Variants in RAB31 observed in about 807,000 individuals in gnomAD.
The protein encoded by RAB31 is ras-related protein Rab-31.
RAB31 carries 21 observed loss-of-function variants against 25.6 expected under a neutral mutation model. The ratio of observed to expected loss-of-function variants is 0.82; its 90% CI spans 0.58 to 1.18. RAB31 has a LOEUF of 1.18. Ranked by LOEUF, RAB31 falls within the 50% of genes most tolerant of loss-of-function variation. The pLI is 0.00. For missense variants in RAB31, 196 were observed against 250.1 expected (o/e 0.78, Z 1.46); for synonymous variants, 87 against 84.0 (o/e 1.04, Z -0.20).
At chr18:9,729,895 G>C (rs1248119215) in intron 1 of RAB31, among the ~76,000 whole-genome samples, 1 of 152,128 alleles carries the variant, frequency 6.6e-6, no homozygotes, top group Admixed American at 6.5e-5. Flanking sequence ...CTCTTCTCTT[G>C]ATGTACTTCT....
At chr18:9,836,675 A>G (rs2068705920) in intron 5 of RAB31, among the ~76,000 whole-genome samples, 5 of 152,168 alleles carry the variant, frequency 3.3e-5, no homozygotes, top group Admixed American at 3.3e-4. Context: ...GAGATTTAGT[A>G]TATGAAGAAT....
At chr18:9,795,577 C>T (rs1180710651) in intron 3 of RAB31, among the ~76,000 whole-genome samples, 1 of 152,046 alleles carries the variant, frequency 6.6e-6, no homozygotes, top group African/African-American at 2.4e-5. Context: ...GGTATAAGGA[C>T]ATGAATAGAC....
chr18:9,845,142 G>A lies in RAB31; in HGVS notation c.381-440G>A, dbSNP rs2068754494. On this transcript the variant is annotated intron_variant, in intron 5 of 6. Coordinates refer to ENST00000578921, the MANE Select transcript of RAB31 (RefSeq NM_006868.4). The stretch of plus-strand genomic sequence containing the variant: ...CGTTTCCAAACTGTCACAGCACATT[G>A]CATATTTTCTCTGATTTGTGAAAGA... Among the ~76,000 whole-genome samples the A allele has an allele frequency of 2.0e-5, 3 of 152,268 alleles. No individual in the cohort carries two copies. The South Asian group carries it at 6.2e-4, about 32-fold the overall frequency.
At chr18:9,790,775 C>T (rs141522372) in intron 2 of RAB31, among the ~76,000 whole-genome samples, 31 of 152,322 alleles carry the variant, frequency 2.0e-4, no homozygotes, top group African/African-American at 7.0e-4. Flanking sequence ...TCAGACTAAA[C>T]ATTTGTGGCC....
At chr18:9,837,759 T>C (rs1357950695) in intron 5 of RAB31, among the ~76,000 whole-genome samples, 2 of 152,202 alleles carry the variant, frequency 1.3e-5, no homozygotes, top group Non-Finnish European at 2.9e-5. Context: ...ATTTTTTTCA[T>C]TGAGAAAGGA....
rs151074976 is a variant in RAB31, at chr18:9,736,702, C to T, written c.39+28258C>T. On this transcript the variant is annotated intron_variant, in intron 1 of 6. Transcript: ENST00000578921. ...AATGTTTATTAATAATAAGATTTGCCGAAAGCAAGAGAAGTCTTAAGTGGG... is the reference window on the plus strand; with the variant it reads ...AATGTTTATTAATAATAAGATTTGCTGAAAGCAAGAGAAGTCTTAAGTGGG... Among the ~76,000 whole-genome samples the T allele has an allele frequency of 1.5e-3, 223 of 152,112 alleles. 1 individual carries two copies. The highest frequency in any genetic ancestry group is 2.2e-3 in the Non-Finnish European group (151 of 68,018).
chr18:9,768,028 G>A (rs1395199321), intron 1 of RAB31, among the ~76,000 whole-genome samples: 2 of 152,088 alleles, frequency 1.3e-5, no homozygotes, highest in African/African-American at 4.8e-5. Context: ...CTTCATCCGT[G>A]TCCCTGCAAA....
chr18:9,823,781 C>T (rs1036876138), intron 5 of RAB31, among the ~76,000 whole-genome samples: 9 of 152,158 alleles, frequency 5.9e-5, no homozygotes, highest in Admixed American at 1.3e-4. Context: ...ATCTCCAGCA[C>T]ACCTAAGGTA....
At chr18:9,845,756 AAC>A (rs1420296758) in intron 6 of RAB31, 65 bp downstream of exon 6, 1 of 1,466,002 alleles carries the variant, frequency 6.8e-7, no homozygotes, top group East Asian at 2.6e-5. Context: ...GTCAAAGGAT[AAC>A]ATTTTAGAAC....
intron 1 of RAB31, among the ~76,000 whole-genome samples, chr18:9,772,935 A>G (rs1326689967): frequency 6.6e-6 from 1 of 152,200 alleles, no homozygotes; most frequent in African/African-American, 2.4e-5. Context: ...CTGCGAGGGA[A>G]CATGAGCCAG....
At chr18:9,845,734 A>G (rs1350548797) in intron 6 of RAB31, 43 bp downstream of exon 6, 4 of 1,513,140 alleles carry the variant, frequency 2.6e-6, no homozygotes, top group African/African-American at 1.4e-5. Context: ...TTGCATTTTT[A>G]TGCTTCTGGG....
chr18:9,857,686 T>TAGATGATAGATAGATA (rs1555693032), intron 6 of RAB31, among the ~76,000 whole-genome samples: 2 of 114,088 alleles, frequency 1.8e-5, no homozygotes, highest in Non-Finnish European at 3.7e-5. Context: ...GATAGATAGA[T>TAGATGATAGATAGATA]GATAGATAGA....
At chr18:9,854,359 C>A (rs751771590) in intron 6 of RAB31, among the ~76,000 whole-genome samples, 1 of 152,166 alleles carries the variant, frequency 6.6e-6, no homozygotes, top group Non-Finnish European at 1.5e-5. Flanking sequence ...CCTGATTCCC[C>A]TCGTGCAGGT....
At chr18:9,768,878 G>A (rs1348469412) in intron 1 of RAB31, among the ~76,000 whole-genome samples, 1 of 152,180 alleles carries the variant, frequency 6.6e-6, no homozygotes, top group African/African-American at 2.4e-5. Flanking sequence ...TGTATAAGGT[G>A]TAAGGAAGGG....
chr18:9,722,771 G>C (rs1057241309), intron 1 of RAB31: 5 of 152,170 alleles, frequency 3.3e-5, no homozygotes, highest in Non-Finnish European at 7.3e-5. Flanking sequence ...GTTCCCTTAC[G>C]AAGTGTCACA....
chr18:9,779,095 A>T (rs2068389071), intron 2 of RAB31, among the ~76,000 whole-genome samples: 2 of 152,132 alleles, frequency 1.3e-5, no homozygotes, highest in Admixed American at 1.3e-4. Flanking sequence ...GGCAGAAGGG[A>T]TCGAATTAGA....
chr18:9,735,049 G>A (rs35502353), intron 1 of RAB31: 24,914 of 169,274 alleles, frequency 0.15, 1,954 homozygotes, highest in Non-Finnish European at 0.15. Context: ...ATGGAGTCTC[G>A]CTCTGTCGCC....
At chr18:9,713,603 A>G (rs1473883243) in intron 1 of RAB31, among the ~76,000 whole-genome samples, 1 of 152,150 alleles carries the variant, frequency 6.6e-6, no homozygotes, top group Non-Finnish European at 1.5e-5. Flanking sequence ...CAGCTTTCAG[A>G]GCTCAGTGCA....
intron 1 of RAB31, among the ~76,000 whole-genome samples, chr18:9,712,976 G>A (rs1005246842): frequency 1.3e-5 from 2 of 152,180 alleles, no homozygotes; most frequent in African/African-American, 2.4e-5. Context: ...CTGGGATTTG[G>A]TGAGACATCT....
Sources: allele counts gnomAD v4.1 joint callset (sites outside exome capture counted in the v4.1 genomes callset), GRCh38; gene constraint gnomAD v4.1.1; transcripts MANE v1.5; gene names NCBI Gene and HGNC (gene_info 2026-07-23, HGNC 2026-07-21).